Variants in RNF216 observed in about 807,000 individuals in gnomAD.
RNF216 encodes E3 ubiquitin-protein ligase RNF216.
Under a neutral mutation model 110.8 loss-of-function variants are expected in RNF216, and 72 were observed. That is an observed-to-expected ratio of 0.65 (90% CI 0.54 to 0.79). The LOEUF (loss-of-function observed/expected upper bound fraction) is 0.79. RNF216 is among the 30% of genes least tolerant of loss of function. The pLI, the probability that RNF216 is intolerant of heterozygous loss-of-function variation, is 0.00. For missense variants in RNF216, 1,342 were observed against 1,141.2 expected, an observed-to-expected ratio of 1.18 and a Z score of -2.54; for synonymous variants, 495 against 407.5, an observed-to-expected ratio of 1.21 and a Z score of -2.59.
intron 13 of RNF216, among the ~76,000 whole-genome samples, chr7:5,703,398 C>G (rs1410113757): frequency 6.6e-6 from 1 of 152,256 alleles, no homozygotes; most frequent in South Asian, 2.1e-4. Flanking sequence ...GCCATCACAG[C>G]TGGAGCTGCC....
intron 8 of RNF216, among the ~76,000 whole-genome samples, chr7:5,721,591 C>G (rs1260854989): frequency 6.6e-6 from 1 of 152,212 alleles, no homozygotes; most frequent in Non-Finnish European, 1.5e-5. Context: ...AGGCTTACTT[C>G]CAGCTTCAGA....
chr7:5,700,597 G>C (rs931672092), intron 13 of RNF216, among the ~76,000 whole-genome samples: 1 of 152,048 alleles, frequency 6.6e-6, no homozygotes, highest in Non-Finnish European at 1.5e-5. Flanking sequence ...AGAAGCAATA[G>C]CTAACTAGTA....
At chr7:5,739,040 T>C (rs1169808779) in intron 5 of RNF216, among the ~76,000 whole-genome samples, 1 of 152,046 alleles carries the variant, frequency 6.6e-6, no homozygotes, top group Non-Finnish European at 1.5e-5. Context: ...AGTAGGATGG[T>C]GGGTGCCACT....
intron 7 of RNF216, among the ~76,000 whole-genome samples, chr7:5,727,072 T>C (rs1466672444): frequency 2.0e-5 from 3 of 152,118 alleles, no homozygotes; most frequent in Non-Finnish European, 2.9e-5. Context: ...GTGGCTACGC[T>C]GTTAGGGTGC....
chr7:5,744,456 A>G (rs1424756725), intron 3 of RNF216, among the ~76,000 whole-genome samples: 4 of 152,134 alleles, frequency 2.6e-5, no homozygotes, highest in Non-Finnish European at 5.9e-5. Flanking sequence ...AGGAAGGAAA[A>G]CAAGGGAGGG....
chr7:5,655,636 C>CA (rs1788694358), intron 13 of RNF216, among the ~76,000 whole-genome samples: 1 of 151,310 alleles, frequency 6.6e-6, no homozygotes, highest in African/African-American at 2.4e-5. Context: ...AAGACAAGAC[C>CA]AGACCATGTA....
chr7:5,622,440 G>A lies in RNF216; in HGVS notation c.*420C>T, dbSNP rs371252112. On this transcript the variant is annotated 3_prime_UTR_variant, in exon 17 of 17. Coordinates refer to ENST00000389902, the MANE Select transcript of RNF216 (RefSeq NM_207111.4). ...TGAGCAATGCTTCCCAGGCCCGCAG[G>A]TGCAGCCCCCTCTGCCCTTGGCCCA... is the stretch of plus-strand genomic sequence containing the variant. The A allele has an allele frequency of 7.9e-5, 13 of 165,184 alleles. No homozygotes were observed. Among genetic ancestry groups the A allele is most frequent in the African/African-American group, 2.4e-4 (10 of 41,978 alleles). 10.2% of individuals were successfully genotyped at this position (165,184 alleles called of 1,614,324 possible).
intron 11 of RNF216, 82 bp from the exon 12 acceptor site, chr7:5,712,945 G>T: frequency 1.6e-6 from 2 of 1,262,246 alleles, no homozygotes; most frequent in Non-Finnish European, 2.2e-6. Flanking sequence ...TAAAAACATA[G>T]ATCCTGAGAC....
At chr7:5,682,681 T>A (rs1790737182) in intron 13 of RNF216, among the ~76,000 whole-genome samples, 1 of 152,178 alleles carries the variant, frequency 6.6e-6, no homozygotes, top group Admixed American at 6.5e-5. Context: ...GGCTGGGATA[T>A]CGGCGTGAGC....
Position 5,659,704 on chromosome 7 carries a change from TC to T in RNF216, c.2062-7195del, listed in dbSNP as rs561760605. On this transcript the variant is annotated intron_variant, in intron 13 of 16. Coordinates refer to ENST00000389902, the MANE Select transcript of RNF216 (RefSeq NM_207111.4). ...GTAAATAACTTCTAGGGGAACAGGCTCGGAGTGTGGATTTGATTCTTGCTTA... is the reference window on the plus strand; with the variant it reads ...GTAAATAACTTCTAGGGGAACAGGCTGGAGTGTGGATTTGATTCTTGCTTA... 1.8e-4 allele frequency among the ~76,000 whole-genome samples: 27 copies of T among 152,310 alleles called. No individual in the cohort carries two copies. The South Asian group carries it at 5.6e-3, about 32-fold the overall frequency.
intron 1 of RNF216, among the ~76,000 whole-genome samples, chr7:5,767,263 G>C (rs1796253599): frequency 1.3e-5 from 2 of 152,164 alleles, no homozygotes; most frequent in South Asian, 4.1e-4. Flanking sequence ...AGCACATCAG[G>C]AGATGACACA....
Position 5,624,008 on chromosome 7 carries a change from A to C in RNF216, c.2452+48T>G. ...CTCAGGGAGGCCAGCAGAAGCCTGC[A>C]TGGCCTGGCTGCTGCTCTGTCCTGG... On this transcript the variant is annotated intron_variant, in intron 16 of 16. Coordinates refer to ENST00000389902, the MANE Select transcript of RNF216 (RefSeq NM_207111.4). The surrounding 1 kb of genome is among the most constrained non-coding windows in gnomAD (Gnocchi z 4.4). 6.5e-7 allele frequency: 1 copy of C among 1,532,358 alleles called. No homozygotes were observed. Among genetic ancestry groups the C allele is most frequent in the Non-Finnish European group, 9.0e-7 (1 of 1,111,240 alleles). 94.9% of individuals were successfully genotyped at this position (1,532,358 alleles called of 1,614,324 possible).
chr7:5,640,327 T>C (rs1310123664), intron 15 of RNF216, among the ~76,000 whole-genome samples: 1 of 152,162 alleles, frequency 6.6e-6, no homozygotes, highest in African/African-American at 2.4e-5. Context: ...ATTATAAAAG[T>C]CATTCCCTTC....
At chr7:5,746,115 A>T (rs962028537) in intron 3 of RNF216, among the ~76,000 whole-genome samples, 4 of 151,992 alleles carry the variant, frequency 2.6e-5, no homozygotes, top group African/African-American at 9.7e-5. Context: ...CTTTTTTGGG[A>T]AGTAACGTTT....
intron 13 of RNF216, among the ~76,000 whole-genome samples, chr7:5,700,535 T>C (rs1791898681): frequency 6.6e-6 from 1 of 152,132 alleles, no homozygotes; most frequent in Admixed American, 6.5e-5. Flanking sequence ...GTGTGGTTTC[T>C]AGAAAGAGGG....
At chr7:5,685,672 T>C (rs1292594701) in intron 13 of RNF216, among the ~76,000 whole-genome samples, 1 of 152,228 alleles carries the variant, frequency 6.6e-6, no homozygotes, top group East Asian at 1.9e-4. Flanking sequence ...ACATCAGTCC[T>C]GGTCTCACCT....
At chr7:5,646,777 G>A (rs553846543) in intron 14 of RNF216, among the ~76,000 whole-genome samples, 10 of 151,894 alleles carry the variant, frequency 6.6e-5, no homozygotes, top group South Asian at 6.2e-4. Flanking sequence ...TAGCTTAGTG[G>A]TCAATGCCAG....
rs1309268027 is a variant in RNF216 at position 5,770,254 on chromosome 7, G to C, written c.-69-9116C>G. 2.0e-5 allele frequency among the ~76,000 whole-genome samples: 3 copies of C among 152,034 alleles called. No homozygotes were observed. In the Middle Eastern group the frequency reaches 0.01, roughly 517 times the overall value. The stretch of plus-strand genomic sequence containing the variant: ...AGGTGGGCGGATCGCCTGAGGTGGG[G>C]AGTTTGAGACCAGCCTGACCAACAT... On this transcript the variant is annotated intron_variant, in intron 1 of 16. Coordinates refer to ENST00000389902, the MANE Select transcript of RNF216 (RefSeq NM_207111.4).
intron 14 of RNF216, among the ~76,000 whole-genome samples, chr7:5,651,040 C>T (rs990112081): frequency 2.6e-5 from 4 of 152,150 alleles, no homozygotes; most frequent in Admixed American, 2.0e-4. Context: ...CAATGCGATA[C>T]GAGCGGAAGT....
Sources: allele counts gnomAD v4.1 joint callset (sites outside exome capture counted in the v4.1 genomes callset), GRCh38; gene constraint gnomAD v4.1.1; non-coding constraint Gnocchi (gnomAD v3.1); transcripts MANE v1.5; gene names NCBI Gene and HGNC (gene_info 2026-07-23, HGNC 2026-07-21).